NALCN: variants seen among roughly 807,000 people sequenced by gnomAD.
The protein encoded by NALCN is sodium leak channel NALCN.
NALCN carries 111 observed loss-of-function variants against 225.3 expected under a neutral mutation model. That is an observed-to-expected ratio of 0.49 (90% CI 0.42 to 0.58). The LOEUF (loss-of-function observed/expected upper bound fraction) is 0.58, where lower values mean the gene tolerates loss of function less well. Among genes scored for constraint, NALCN ranks in the 20% least tolerant of loss-of-function variants. The probability of loss-of-function intolerance (pLI) is 0.00; values close to 1 mark genes in which losing one functional copy is unlikely to be tolerated. For missense variants in NALCN, 1,378 were observed against 2,202.4 expected (o/e 0.63, Z 7.49); for synonymous variants, 764 against 769.0 (o/e 0.99, Z 0.11).
chr13:101,059,854 C>A lies in NALCN; in HGVS notation c.4869G>T (p.Thr1623=), dbSNP rs765186169. Residue 1623 remains threonine, a synonymous_variant, in exon 42 of 44, where the codon ACG becomes ACT. Coordinates refer to ENST00000251127, the MANE Select transcript of NALCN (RefSeq NM_052867.4). ...SIETTQPSED[T]NANSQDNSMQ... Reference sequence around the variant, plus strand: ...TGCTGTTGTCCTGACTGTTGGCATTCGTGTCCTCACTGGGCTGGGTGGTCT... The same window carrying A: ...TGCTGTTGTCCTGACTGTTGGCATTAGTGTCCTCACTGGGCTGGGTGGTCT... 6.2e-7 allele frequency: 1 copy of A among 1,614,052 alleles called. No homozygotes were observed. The highest frequency in any genetic ancestry group is 8.5e-7 in the Non-Finnish European group (1 of 1,180,014).
chr13:101,074,195 A>AT (rs563768676), intron 36 of NALCN, among the ~76,000 whole-genome samples: 119 of 152,272 alleles, frequency 7.8e-4, no homozygotes, highest in Non-Finnish European at 6.8e-4. Flanking sequence ...ATAATATATC[A>AT]TTTTTTGGCA....
intron 10 of NALCN, among the ~76,000 whole-genome samples, chr13:101,266,416 A>G (rs543584615): frequency 1.3e-4 from 20 of 152,308 alleles, no homozygotes; most frequent in Non-Finnish European, 2.9e-4. Flanking sequence ...TTTCTATTAA[A>G]TTTCTCCAAT....
At chr13:101,132,203 T>C (rs997707464) in intron 17 of NALCN, among the ~76,000 whole-genome samples, 1 of 152,138 alleles carries the variant, frequency 6.6e-6, no homozygotes, top group African/African-American at 2.4e-5. Context: ...GCATCTTTTG[T>C]TCATTATTTT....
chr13:101,336,177 A>G (rs1450383123), intron 7 of NALCN, among the ~76,000 whole-genome samples: 1 of 152,152 alleles, frequency 6.6e-6, no homozygotes, highest in African/African-American at 2.4e-5. Context: ...TCAGCAAGAT[A>G]CAGGGGTAGT....
intron 15 of NALCN, among the ~76,000 whole-genome samples, chr13:101,155,619 A>G (rs78472485): frequency 0.013 from 2,008 of 152,290 alleles, 23 homozygotes; most frequent in Non-Finnish European, 0.018. Flanking sequence ...TTTCTGCATT[A>G]TAAAGTTACA....
intron 14 of NALCN, among the ~76,000 whole-genome samples, chr13:101,184,646 A>T (rs1486572944): frequency 6.6e-6 from 1 of 152,206 alleles, no homozygotes; most frequent in Non-Finnish European, 1.5e-5. Flanking sequence ...ATTTTGTCCA[A>T]CATAATGTAG....
chr13:101,116,471 C>T (rs761044402), intron 18 of NALCN: 3 of 514,708 alleles, frequency 5.8e-6, no homozygotes, highest in East Asian at 5.5e-5. Flanking sequence ...CTTTATTAGC[C>T]TTTAAACACC....
At position 101,399,055 on chromosome 13, in the gene NALCN, C is replaced by T; in HGVS notation, c.72G>A (p.Leu24=). 1 of 1,613,050 alleles carries T rather than the reference C, an allele frequency of 6.2e-7. No homozygotes were observed. Among genetic ancestry groups the T allele is most frequent in the Non-Finnish European group, 8.5e-7 (1 of 1,179,102 alleles). Residue 24 remains leucine (L), a synonymous_variant, in exon 2 of 44, where the codon CTG becomes CTA. Transcript: ENST00000251127. ...TCCAGAGGATGTCAGCATTATCCGACAGAGACTCATCAGGACCAAAGTCAG... is the reference window on the plus strand; with the variant it reads ...TCCAGAGGATGTCAGCATTATCCGATAGAGACTCATCAGGACCAAAGTCAG... ...PVTDFGPDES[L]SDNADILWIN...
Position 101,152,015 on chromosome 13 carries a change from G to A in NALCN, c.1840-7119C>T, listed in dbSNP as rs111952615. ...CAGCGATACTGTACAGTTTTCAAACGTTTCATCAAAAAACATGTTTAAGTC... is the reference window on the plus strand; with the variant it reads ...CAGCGATACTGTACAGTTTTCAAACATTTCATCAAAAAACATGTTTAAGTC... On this transcript the variant is annotated intron_variant, in intron 15 of 43. Coordinates refer to ENST00000251127, the MANE Select transcript of NALCN (RefSeq NM_052867.4). Among the ~76,000 whole-genome samples, 245 of 152,152 alleles carry A rather than the reference G, an allele frequency of 1.6e-3. 2 individuals are homozygous for A. The highest frequency in any genetic ancestry group is 5.5e-3 in the African/African-American group (227 of 41,514).
chr13:101,137,633 A>C (rs1382041576), intron 17 of NALCN, among the ~76,000 whole-genome samples: 2 of 152,178 alleles, frequency 1.3e-5, no homozygotes, highest in Admixed American at 1.3e-4. Context: ...TATCAACAAA[A>C]ATCAAACTCT....
chr13:101,295,645 A>G (rs1328990178), intron 7 of NALCN, among the ~76,000 whole-genome samples: 1 of 152,124 alleles, frequency 6.6e-6, no homozygotes. Flanking sequence ...GCTCAAAGAG[A>G]AGGGTTTGTT....
chr13:101,113,173 T>C (rs979148969), intron 18 of NALCN, among the ~76,000 whole-genome samples: 22 of 152,150 alleles, frequency 1.4e-4, no homozygotes, highest in African/African-American at 5.1e-4. Context: ...AACGAGAACA[T>C]TCTGAAAAAT....
chr13:101,195,376 T>C (rs1407196142), intron 13 of NALCN, among the ~76,000 whole-genome samples: 2 of 152,244 alleles, frequency 1.3e-5, no homozygotes, highest in Admixed American at 6.5e-5. Flanking sequence ...TTTGCAAAGA[T>C]CAGTTTTAAA....
intron 17 of NALCN, among the ~76,000 whole-genome samples, chr13:101,141,910 T>A (rs982616516): frequency 6.6e-6 from 1 of 152,196 alleles, no homozygotes; most frequent in Non-Finnish European, 1.5e-5. Flanking sequence ...AGTGGAATAC[T>A]TGCAAGTGAA....
rs540843718 is a variant in NALCN, at chr13:101,205,223, T to C, written c.1627-13169A>G. ...TCCTCTTTTTTCCAGCACACCTATATTGCACTCCATATAATGCTTGGCTGA... is the reference window on the plus strand; with the variant it reads ...TCCTCTTTTTTCCAGCACACCTATACTGCACTCCATATAATGCTTGGCTGA... On this transcript the variant is annotated intron_variant, in intron 13 of 43. Transcript: ENST00000251127. 1.1e-3 allele frequency among the ~76,000 whole-genome samples: 167 copies of C among 152,286 alleles called. 1 individual carries two copies. The highest frequency in any genetic ancestry group is 3.8e-3 in the African/African-American group (157 of 41,578).
At chr13:101,412,189 GA>G (rs1566665933) in intron 1 of NALCN, among the ~76,000 whole-genome samples, 1 of 152,038 alleles carries the variant, frequency 6.6e-6, no homozygotes, top group Non-Finnish European at 1.5e-5. Flanking sequence ...TAATCTAAAA[GA>G]AAAAAAGAAT....
intron 10 of NALCN, among the ~76,000 whole-genome samples, chr13:101,259,751 T>TATACAC (rs10622707): frequency 2.3e-5 from 3 of 131,936 alleles, no homozygotes; most frequent in Admixed American, 7.9e-5. Flanking sequence ...TATATATATA[T>TATACAC]ACACACACAC....
At position 101,308,304 on chromosome 13, in the gene NALCN, T is replaced by C. The variant is rs546379257; in HGVS notation, c.800-15938A>G. 3.3e-5 allele frequency among the ~76,000 whole-genome samples: 5 copies of C among 152,316 alleles called. No homozygotes were observed. The South Asian group carries it at 6.2e-4, about 19-fold the overall frequency. ...GAATTTCCTGCAAGGAGTTGTGGCC[T>C]TGTGACAAAGTTCTTCCTGATGTAT... On this transcript the variant is annotated intron_variant, in intron 7 of 43. Transcript: ENST00000251127.
chr13:101,334,383 A>G (rs1385273227), intron 7 of NALCN, among the ~76,000 whole-genome samples: 1 of 151,966 alleles, frequency 6.6e-6, no homozygotes, highest in Non-Finnish European at 1.5e-5. Context: ...GGTAGGAGAG[A>G]GGCAATCCAG....
Sources: allele counts gnomAD v4.1 joint callset (sites outside exome capture counted in the v4.1 genomes callset), GRCh38; gene constraint gnomAD v4.1.1; transcripts MANE v1.5; gene names NCBI Gene and HGNC (gene_info 2026-07-23, HGNC 2026-07-21).